SHPRH: variants seen among roughly 807,000 people sequenced by gnomAD.
SHPRH encodes the protein E3 ubiquitin-protein ligase SHPRH.
In SHPRH, 106 loss-of-function variants were observed where a neutral mutation model predicts 202.5. The observed-to-expected ratio is 0.52, with a 90% CI of 0.45 to 0.62. The LOEUF (loss-of-function observed/expected upper bound fraction) is 0.62. Ranked by LOEUF, SHPRH falls within the 20% of genes least tolerant of loss-of-function variation. The probability of loss-of-function intolerance (pLI) is 0.00; values close to 1 mark genes in which losing one functional copy is unlikely to be tolerated. For missense variants in SHPRH, 1,710 were observed against 2,020.0 expected (o/e 0.85, Z 2.94); for synonymous variants, 729 against 686.0 (o/e 1.06, Z -0.98).
chr6:145,904,818 A>AT (rs929937544), intron 25 of SHPRH: 1 of 151,990 alleles, frequency 6.6e-6, no homozygotes, highest in East Asian at 1.9e-4. Flanking sequence ...TATAAACTTA[A>AT]TTTTTTTTAA....
At chr6:145,860,572 C>A (rs1156230228), downstream of SHPRH, among the ~76,000 whole-genome samples, 5 of 151,954 alleles carry the variant, frequency 3.3e-5, no homozygotes, top group Admixed American at 2.6e-4. Context: ...GTCCATACTT[C>A]CCCAAACAAT....
intron 3 of SHPRH, 135 bp from the exon 4 acceptor site, chr6:145,950,617 C>A: frequency 1.3e-5 from 9 of 695,836 alleles, no homozygotes; most frequent in Non-Finnish European, 2.2e-5. Context: ...CTGAAAGGCC[C>A]TATCTTTAAT....
chr6:145,876,288 C>T (rs954104748), intron 2 of SHPRH, among the ~76,000 whole-genome samples: 7 of 152,106 alleles, frequency 4.6e-5, no homozygotes, highest in African/African-American at 1.7e-4. Flanking sequence ...GCAGGAGGAT[C>T]ATTTAAGCCC....
At chr6:145,956,104 A>G (rs1028208723) in intron 1 of SHPRH, among the ~76,000 whole-genome samples, 2 of 152,170 alleles carry the variant, frequency 1.3e-5, no homozygotes, top group Non-Finnish European at 2.9e-5. Context: ...GTAACAACAG[A>G]AACTGTCAAA....
intron 2 of SHPRH, among the ~76,000 whole-genome samples, chr6:145,954,065 G>T (rs1285951768): frequency 6.6e-6 from 1 of 151,518 alleles, no homozygotes; most frequent in Non-Finnish European, 1.5e-5. Flanking sequence ...TTTAAGAAAC[G>T]ATCTCCCTGG....
At chr6:145,922,108 T>C (rs183417805) in intron 20 of SHPRH, among the ~76,000 whole-genome samples, 178 bp downstream of exon 20, 41 of 152,138 alleles carry the variant, frequency 2.7e-4, no homozygotes, top group Admixed American at 1.6e-3. Flanking sequence ...GGATAACTTC[T>C]GGATAGGTAA....
chr6:145,894,054 T>C, intron 27 of SHPRH, 96 bp downstream of exon 27: 1 of 810,392 alleles, frequency 1.2e-6, no homozygotes, highest in South Asian at 2.2e-5. Flanking sequence ...ATGTGGCTTA[T>C]ATGGCATGAG....
chr6:145,935,192 AG>A (rs1333921994), intron 12 of SHPRH, 29 bp from the exon 13 acceptor site: 36 of 1,593,116 alleles, frequency 2.3e-5, no homozygotes, highest in Non-Finnish European at 3.0e-5. Flanking sequence ...AAAAAAAAAA[AG>A]ATATCATCTA....
chr6:145,911,302 A>G (rs888232128), intron 24 of SHPRH, among the ~76,000 whole-genome samples: 1 of 151,986 alleles, frequency 6.6e-6, no homozygotes, highest in Non-Finnish European at 1.5e-5. Context: ...ACGACCAGCT[A>G]ATTTTTGTAT....
chr6:145,904,373 G>C (rs963760567), intron 25 of SHPRH: 7 of 152,034 alleles, frequency 4.6e-5, no homozygotes, highest in African/African-American at 1.4e-4. Flanking sequence ...ACTAGGTTTA[G>C]AAATAATTGG....
chr6:145,960,154 G>GC (rs1788938569), intron 1 of SHPRH, among the ~76,000 whole-genome samples: 1 of 152,224 alleles, frequency 6.6e-6, no homozygotes, highest in Admixed American at 6.5e-5. Context: ...TCTGCTTAAT[G>GC]TAGTTCCTAT....
chr6:145,943,137 C>T lies in SHPRH; in HGVS notation c.2238+6G>A. On this transcript the variant is annotated splice_donor_region_variant and intron_variant, in intron 9 of 29. Coordinates refer to ENST00000275233, the MANE Select transcript of SHPRH (RefSeq NM_001042683.3). Reference sequence around the variant, plus strand: ...TCCTCTCCCTCTTTAGTCCAAGTGGCCTTACCAAGACTCGAAGAGATGACG... The same window carrying T: ...TCCTCTCCCTCTTTAGTCCAAGTGGTCTTACCAAGACTCGAAGAGATGACG... 6.4e-7 allele frequency: 1 copy of T among 1,571,288 alleles called. No individual in the cohort carries two copies. The highest frequency in any genetic ancestry group is 8.6e-7 in the Non-Finnish European group (1 of 1,157,982).
intron 25 of SHPRH, chr6:145,905,213 G>A (rs1782852855): frequency 6.6e-6 from 1 of 152,306 alleles, no homozygotes; most frequent in Admixed American, 6.6e-5. Flanking sequence ...AGATGCTGTG[G>A]CCAGAGGAAG....
rs1346904274 is a variant in SHPRH, at chr6:145,936,143, C to T, written c.2570-702G>A. On this transcript the variant is annotated intron_variant, in intron 11 of 29. Coordinates refer to ENST00000275233, the MANE Select transcript of SHPRH (RefSeq NM_001042683.3). ...CAATTTTATATTCTATTCCCCTCCA[C>T]CTGCCCACTTAACATACCCTAAACA... Among the ~76,000 whole-genome samples the T allele has an allele frequency of 2.0e-5, 3 of 152,178 alleles. No individual in the cohort carries two copies. In the East Asian group the frequency reaches 5.8e-4, roughly 29 times the overall value.
rs189011605 is a variant in SHPRH at position 145,885,012 on chromosome 6, T to A, written c.*1679A>T. 6.6e-6 allele frequency: 1 copy of A among 152,286 alleles called. No homozygotes were observed. The highest frequency in any genetic ancestry group is 2.4e-5 in the African/African-American group (1 of 41,578). The allele number at this position is 152,286 out of a possible 1,614,324, so 9.4% of individuals were successfully genotyped here. A position where few individuals can be genotyped will look rare whatever the true frequency, so the allele number is the denominator to read the frequency against. Reference sequence around the variant, plus strand: ...AGAAATACTGAAATAGTCTCATTTTTAAATTATAAGCATGGGCCTTCTGAA... The same window carrying A: ...AGAAATACTGAAATAGTCTCATTTTAAAATTATAAGCATGGGCCTTCTGAA... On this transcript the variant is annotated 3_prime_UTR_variant, in exon 30 of 30. Coordinates refer to ENST00000275233, the MANE Select transcript of SHPRH (RefSeq NM_001042683.3).
chr6:145,884,352 G>GTTA (rs1780812972), downstream of SHPRH: 1 of 152,148 alleles, frequency 6.6e-6, no homozygotes, highest in African/African-American at 2.4e-5. Flanking sequence ...AGGCTATGAC[G>GTTA]TTAGGTATAT....
chr6:145,948,376 C>A (rs1431704166), intron 4 of SHPRH, 26 bp from the exon 5 acceptor site: 1 of 1,568,734 alleles, frequency 6.4e-7, no homozygotes, highest in South Asian at 1.2e-5. Flanking sequence ...ATCATAATAA[C>A]AAATTTTTGT....
intron 2 of SHPRH, among the ~76,000 whole-genome samples, chr6:145,875,702 C>A (rs1780269921): frequency 6.6e-6 from 1 of 152,136 alleles, no homozygotes; most frequent in Non-Finnish European, 1.5e-5. Flanking sequence ...TAATAGTTAT[C>A]TTTGTTTCAT....
downstream of SHPRH, chr6:145,864,132 T>A (rs1420515387): frequency 6.0e-6 from 1 of 165,446 alleles, no homozygotes; most frequent in East Asian, 1.8e-4. Flanking sequence ...ACTTCCCCTC[T>A]CCTTGTCGTA....
Sources: gnomAD v4.1 joint callset for allele counts (sites outside exome capture counted in the v4.1 genomes callset) on GRCh38, gnomAD v4.1.1 for gene constraint, MANE v1.5 for transcripts, NCBI Gene and HGNC (gene_info 2026-07-23, HGNC 2026-07-21) for gene names.